MEGF10: variants seen among roughly 807,000 people sequenced by gnomAD.
The protein encoded by MEGF10 is multiple epidermal growth factor-like domains protein 10.
A neutral mutation model predicts 147.5 loss-of-function variants in MEGF10; 86 were observed. The ratio of observed to expected loss-of-function variants is 0.58; its 90% CI spans 0.49 to 0.70. The LOEUF (loss-of-function observed/expected upper bound fraction) is 0.70, where lower values mean the gene tolerates loss of function less well. Among genes scored for constraint, MEGF10 ranks in the 30% least tolerant of loss-of-function variants. The pLI is 0.00. For missense variants in MEGF10, 1,329 were observed against 1,487.3 expected (o/e 0.89, Z 1.75); for synonymous variants, 478 against 525.5 (o/e 0.91, Z 1.24).
chr5:127,253,450 C>T, the MEGF10 span, among the ~76,000 whole-genome samples: 1 of 151,864 alleles, frequency 6.6e-6, no homozygotes. Flanking sequence ...TTAATAAGTA[C>T]TAACCAATGC....
chr5:127,336,031 A>G (rs560308895), intron 2 of MEGF10, among the ~76,000 whole-genome samples: 1 of 108,338 alleles, frequency 9.2e-6, no homozygotes, highest in South Asian at 3.3e-4. Flanking sequence ...CTGACCGATG[A>G]TAATTAGGCA....
intron 21 of MEGF10, among the ~76,000 whole-genome samples, chr5:127,448,227 CA>C (rs1393976122): frequency 6.6e-6 from 1 of 152,200 alleles, no homozygotes; most frequent in African/African-American, 2.4e-5. Flanking sequence ...ACAGTGGTCA[CA>C]TAGCAACAAC....
At chr5:127,250,819 T>A in the MEGF10 span, among the ~76,000 whole-genome samples, 1 of 151,850 alleles carries the variant, frequency 6.6e-6, no homozygotes, top group Non-Finnish European at 1.5e-5. Context: ...GTACGACAGA[T>A]ACAAAATTAA....
At chr5:127,303,335 C>CAAA (rs1174955274) in intron 1 of MEGF10, among the ~76,000 whole-genome samples, 6 of 50,576 alleles carry the variant, frequency 1.2e-4, no homozygotes, top group African/African-American at 2.4e-4. Flanking sequence ...GACTCCATGT[C>CAAA]AAAAAAAAAA....
At chr5:127,247,455 G>C in the MEGF10 span, among the ~76,000 whole-genome samples, 4,323 of 129,250 alleles carry the variant, frequency 0.033, 960 homozygotes, top group South Asian at 0.066. Flanking sequence ...AGAAGAAGAA[G>C]AAGAAGAAGA....
intron 12 of MEGF10, among the ~76,000 whole-genome samples, chr5:127,421,018 C>T (rs1764979762): frequency 6.6e-6 from 1 of 152,184 alleles, no homozygotes; most frequent in African/African-American, 2.4e-5. Context: ...GGGCTTCCTC[C>T]TCATTAAGTA....
At chr5:127,408,738 G>T (rs1764430596) in intron 8 of MEGF10, among the ~76,000 whole-genome samples, 1 of 152,034 alleles carries the variant, frequency 6.6e-6, no homozygotes, top group Non-Finnish European at 1.5e-5. Flanking sequence ...TCTTTTCCTT[G>T]TCTCCATCAC....
chr5:127,452,588 T>C (rs1057109846), intron 22 of MEGF10, among the ~76,000 whole-genome samples: 1 of 151,846 alleles, frequency 6.6e-6, no homozygotes, highest in African/African-American at 2.4e-5. Flanking sequence ...CTCAGTCATA[T>C]AGACATGATT....
At chr5:127,376,889 A>G (rs1463689990) in intron 5 of MEGF10, among the ~76,000 whole-genome samples, 5 of 152,214 alleles carry the variant, frequency 3.3e-5, no homozygotes, top group Non-Finnish European at 5.9e-5. Context: ...CAGTAACTTT[A>G]ATCACCGTGG....
intron 12 of MEGF10, among the ~76,000 whole-genome samples, chr5:127,420,630 T>C (rs768513063): frequency 7.2e-5 from 11 of 152,116 alleles, no homozygotes; most frequent in Non-Finnish European, 1.3e-4. Context: ...GAAATGCTCA[T>C]GGAAGTGTTG....
chr5:127,296,922 A>G (rs142666257), intron 1 of MEGF10, among the ~76,000 whole-genome samples: 1 of 152,184 alleles, frequency 6.6e-6, no homozygotes, highest in African/African-American at 2.4e-5. Context: ...TAAAAAAGTA[A>G]TAGGTTGGAG....
At chr5:127,324,083 G>T (rs2126767985) in intron 1 of MEGF10, among the ~76,000 whole-genome samples, 1 of 152,262 alleles carries the variant, frequency 6.6e-6, no homozygotes, top group African/African-American at 2.4e-5. Flanking sequence ...CACAGGCAGG[G>T]ATCATTGGAG....
intron 10 of MEGF10, 152 bp from the exon 11 acceptor site, chr5:127,418,968 G>C (rs921778844): frequency 1.2e-5 from 10 of 859,512 alleles, no homozygotes; most frequent in Non-Finnish European, 1.6e-5. Context: ...AATTTGTATA[G>C]TGGTGACATT....
chr5:127,257,232 C>T, the MEGF10 span, among the ~76,000 whole-genome samples: 1 of 151,154 alleles, frequency 6.6e-6, no homozygotes. Context: ...TGACTCTTCT[C>T]CAGTGGTTAA....
At chr5:127,434,626 T>C in intron 14 of MEGF10, 61 bp from the exon 15 acceptor site, 1 of 1,518,646 alleles carries the variant, frequency 6.6e-7, no homozygotes. Context: ...TAGATCCCGA[T>C]CTGGAATGCG....
At chr5:127,309,753 G>A (rs1040206165) in intron 1 of MEGF10, among the ~76,000 whole-genome samples, 1 of 151,866 alleles carries the variant, frequency 6.6e-6, no homozygotes, top group African/African-American at 2.4e-5. Flanking sequence ...GTGAACATTG[G>A]TGTACAAATA....
intron 4 of MEGF10, among the ~76,000 whole-genome samples, chr5:127,344,197 G>A (rs566334597): frequency 6.6e-6 from 1 of 152,254 alleles, no homozygotes; most frequent in African/African-American, 2.4e-5. Context: ...GATTATGTAT[G>A]TATATATGAG....
At chr5:127,283,682 T>G in the MEGF10 span, among the ~76,000 whole-genome samples, 1 of 152,228 alleles carries the variant, frequency 6.6e-6, no homozygotes, top group Non-Finnish European at 1.5e-5. Flanking sequence ...CCACCCTGGA[T>G]ACTGAATCAG....
chr5:127,448,114 C>A (rs777908249), intron 21 of MEGF10, among the ~76,000 whole-genome samples: 54 of 152,276 alleles, frequency 3.5e-4, no homozygotes, highest in Non-Finnish European at 6.8e-4. Context: ...TCTGACCGCC[C>A]GTCCTCCAGT....
Sources: gnomAD v4.1 joint callset for allele counts (sites outside exome capture counted in the v4.1 genomes callset) on GRCh38, gnomAD v4.1.1 for gene constraint, MANE v1.5 for transcripts, NCBI Gene and HGNC (gene_info 2026-07-23, HGNC 2026-07-21) for gene names.